The following BCCIP variants were observed in gnomAD, a reference collection of about 807,000 sequenced individuals.
BCCIP encodes the protein BRCA2 and CDKN1A interacting protein, also known as BRCA2 and CDKN1A-interacting protein.
BCCIP carries 23 observed loss-of-function variants against 32.8 expected under a neutral mutation model. That is an observed-to-expected ratio of 0.70 (90% CI 0.51 to 0.99). BCCIP has a LOEUF of 0.99. Ranked by LOEUF, BCCIP falls within the 50% of genes least tolerant of loss-of-function variation. BCCIP has a pLI of 0.00. For synonymous variants in BCCIP, 144 were observed against 137.6 expected (o/e 1.05, Z -0.33); for missense variants, 378 against 379.8 (o/e 1.00, Z 0.04).
At chr10:125,823,868 C>T in intron 1 of BCCIP, 146 bp downstream of exon 1, 3 of 1,261,316 alleles carry the variant, frequency 2.4e-6, no homozygotes, top group East Asian at 4.7e-5. Flanking sequence ...CAGGTTTCTC[C>T]TCGGTCTTTA....
downstream of BCCIP, chr10:125,839,284 T>A (rs1229685594): frequency 1.1e-5 from 14 of 1,304,670 alleles, no homozygotes; most frequent in Non-Finnish European, 1.4e-5. Context: ...CCCTGTGCTC[T>A]CCTCTCCTAC....
chr10:125,841,373 A>C (rs745405994), downstream of BCCIP: 1 of 1,613,240 alleles, frequency 6.2e-7, no homozygotes, highest in Non-Finnish European at 8.5e-7. Context: ...AAAACATACA[A>C]GCCAGGATGA....
chr10:125,843,815 G>A (rs770434615), downstream of BCCIP, among the ~76,000 whole-genome samples: 45 of 152,148 alleles, frequency 3.0e-4, no homozygotes, highest in Non-Finnish European at 6.2e-4. Flanking sequence ...GCCCACCACA[G>A]GCAAAAGATC....
chr10:125,823,648 G>A lies in BCCIP; in HGVS notation c.91G>A (p.Glu31Lys). Residue 31 changes from glutamate (E) to lysine (K), a missense_variant, in exon 1 of 7, where the codon GAA (glutamate) becomes AAA (lysine). By Grantham distance (56) the Glu-to-Lys change is moderately conservative. Coordinates refer to ENST00000278100, the MANE Select transcript of BCCIP (RefSeq NM_078468.3). The stretch of plus-strand genomic sequence containing the variant: ...CCAGCGCGACGAGGAAGAGGAAAAA[G>A]AAGTCGAAAATGAGGATGAAGACGA... ...PVQRDEEEEK[E>K]VENEDEDDDD... is the part of the protein sequence containing the mutation. 6.2e-7 allele frequency: 1 copy of A among 1,614,190 alleles called. No individual in the cohort carries two copies. The highest frequency in any genetic ancestry group is 8.5e-7 in the Non-Finnish European group (1 of 1,180,026).
At chr10:125,836,806 C>G (rs767167630), downstream of BCCIP, 44 of 1,614,028 alleles carry the variant, frequency 2.7e-5, no homozygotes, top group Middle Eastern at 1.6e-4. Context: ...TCCTTACTTT[C>G]ACTAGGAGGC....
chr10:125,839,319 C>A (rs1287886551), downstream of BCCIP: 1 of 866,544 alleles, frequency 1.2e-6, no homozygotes, highest in Non-Finnish European at 1.7e-6. Context: ...AGGTGAGTGG[C>A]AGGAAGGCAG....
chr10:125,852,586 G>C (rs747199233), intron 7 of BCCIP: 1 of 1,613,740 alleles, frequency 6.2e-7, no homozygotes. Flanking sequence ...TCTCTGCCTG[G>C]CTCTGGCTGA....
intron 6 of BCCIP, among the ~76,000 whole-genome samples, chr10:125,835,267 G>A (rs1182182646): frequency 6.6e-6 from 1 of 151,944 alleles, no homozygotes; most frequent in East Asian, 1.9e-4. Context: ...TTTCCAGGAA[G>A]TAAATAGTAA....
downstream of BCCIP, chr10:125,839,290 C>G (rs2134023048): frequency 8.1e-7 from 1 of 1,236,858 alleles, no homozygotes; most frequent in Non-Finnish European, 1.1e-6. Flanking sequence ...GCTCTCCTCT[C>G]CTACAAAGGA....
chr10:125,839,281 C>T, downstream of BCCIP: 1 of 1,310,378 alleles, frequency 7.6e-7, no homozygotes, highest in Non-Finnish European at 1.1e-6. Flanking sequence ...AAGCCCTGTG[C>T]TCTCCTCTCC....
Position 125,826,677 on chromosome 10 carries a change from T to A in BCCIP, c.240+12T>A. 6.2e-7 allele frequency: 1 copy of A among 1,612,742 alleles called. No individual in the cohort carries two copies. Among genetic ancestry groups the A allele is most frequent in the Non-Finnish European group, 8.5e-7 (1 of 1,179,370 alleles). On this transcript the variant is annotated intron_variant, in intron 2 of 6. Coordinates refer to ENST00000278100, the MANE Select transcript of BCCIP (RefSeq NM_078468.3). ...AATTACTGCAGCAGGTATTGTCTTT[T>A]ATTTATTATGCATAAATTTCCTCTT...
At position 125,836,193 on chromosome 10, in the gene BCCIP, G is replaced by A. The variant is rs762750322; in HGVS notation, c.864G>A (p.Thr288=). ...GKWSFDDVPM[T]PLRTVMLIPG... is the part of the protein sequence containing the mutation. ...GGTCTTTTGATGACGTACCAATGAC[G>A]CCCTTGCGAACTGTGATGTTAATTC... The change falls in exon 7 of 7, where the codon ACG becomes ACA. Residue 288 remains threonine (T), a synonymous_variant. Transcript: ENST00000278100. The A allele has an allele frequency of 1.1e-5, 17 of 1,614,046 alleles. No homozygotes were observed. Among genetic ancestry groups the A allele is most frequent in the South Asian group, 4.4e-5 (4 of 91,086 alleles).
chr10:125,842,635 G>A (rs1232650855), exon 7 of BCCIP: 1 of 166,032 alleles, frequency 6.0e-6, no homozygotes, highest in African/African-American at 2.4e-5. Flanking sequence ...CAGTGCCCAA[G>A]AAGGTAAAAT....
chr10:125,850,546 G>T (rs903528427), intron 7 of BCCIP, among the ~76,000 whole-genome samples: 2 of 151,896 alleles, frequency 1.3e-5, no homozygotes, highest in Non-Finnish European at 2.9e-5. Flanking sequence ...GTAGAGACGA[G>T]ATTTCACCAC....
chr10:125,838,340 A>G (rs1249207808), downstream of BCCIP: 1 of 1,612,310 alleles, frequency 6.2e-7, no homozygotes, highest in Admixed American at 1.7e-5. Context: ...CAACCTGCTT[A>G]TGTGTCAGCA....
downstream of BCCIP, chr10:125,841,400 A>G (rs1401507496): frequency 1.1e-5 from 17 of 1,607,624 alleles, no homozygotes; most frequent in Admixed American, 1.7e-5. Flanking sequence ...CCAATAGGAA[A>G]TAAAAAACAG....
chr10:125,853,170 G>A, exon 8 of BCCIP: 3 of 1,612,998 alleles, frequency 1.9e-6, no homozygotes, highest in Non-Finnish European at 2.5e-6. Flanking sequence ...CTGAAGGCTG[G>A]ACTAATTCAA....
At chr10:125,836,896 AGGT>A (rs2134018645), downstream of BCCIP, 1 of 1,576,444 alleles carries the variant, frequency 6.3e-7, no homozygotes, top group Non-Finnish European at 8.7e-7. Context: ...TGAGTGGGGA[AGGT>A]GGTGAGAGAC....
chr10:125,829,319 A>G (rs1271292679), intron 3 of BCCIP, among the ~76,000 whole-genome samples: 1 of 152,220 alleles, frequency 6.6e-6, no homozygotes, highest in Non-Finnish European at 1.5e-5. Flanking sequence ...TGTGCTACAT[A>G]TGTGTAGCTG....
Sources: allele counts gnomAD v4.1 joint callset (sites outside exome capture counted in the v4.1 genomes callset), GRCh38; gene constraint gnomAD v4.1.1; transcripts MANE v1.5; gene names NCBI Gene and HGNC (gene_info 2026-07-23, HGNC 2026-07-21).